ASAP3: variants seen among roughly 807,000 people sequenced by gnomAD.
The protein encoded by ASAP3 is arf-GAP with SH3 domain, ANK repeat and PH domain-containing protein 3.
Under a neutral mutation model 118.2 loss-of-function variants are expected in ASAP3, and 85 were observed. The ratio of observed to expected loss-of-function variants is 0.72; its 90% confidence interval spans 0.60 to 0.86. The LOEUF is 0.86. Among genes scored for constraint, ASAP3 ranks in the 40% least tolerant of loss-of-function variants. The probability of loss-of-function intolerance (pLI) is 0.00; values close to 1 mark genes in which losing one functional copy is unlikely to be tolerated. For missense variants in ASAP3, 1,026 were observed against 1,175.0 expected, an observed-to-expected ratio of 0.87 and a Z score of 1.85; for synonymous variants, 432 against 477.4, an observed-to-expected ratio of 0.90 and a Z score of 1.24.
chr1:23,483,952 T>C, intron 1 of ASAP3, 53 bp downstream of exon 1: 1 of 1,243,990 alleles, frequency 8.0e-7, no homozygotes, highest in South Asian at 3.3e-5. Flanking sequence ...CCTGTGGAGG[T>C]CAAGGCCAGG....
chr1:23,435,089 G>A (rs767182546), intron 17 of ASAP3, among the ~76,000 whole-genome samples: 12 of 152,144 alleles, frequency 7.9e-5, no homozygotes, highest in Non-Finnish European at 1.5e-4. Context: ...GAGCAGTGGC[G>A]CAATCACAGC....
chr1:23,481,464 C>T (rs1161646928), intron 1 of ASAP3, among the ~76,000 whole-genome samples: 1 of 152,146 alleles, frequency 6.6e-6, no homozygotes, highest in Non-Finnish European at 1.5e-5. Context: ...AATGCAAATG[C>T]AAAACCAAAC....
At chr1:23,440,949 G>T (rs898955946) in intron 10 of ASAP3, among the ~76,000 whole-genome samples, 153 bp downstream of exon 10, 1 of 151,914 alleles carries the variant, frequency 6.6e-6, no homozygotes, top group African/African-American at 2.4e-5. Context: ...ACATGCCCAG[G>T]TGTCCTGGAC....
chr1:23,449,537 T>C (rs181482921), intron 5 of ASAP3, among the ~76,000 whole-genome samples: 1 of 152,140 alleles, frequency 6.6e-6, no homozygotes, highest in African/African-American at 2.4e-5. Context: ...TTGGTAGGAA[T>C]GTGGTGAAAT....
At chr1:23,483,773 G>C (rs1170062049) in intron 1 of ASAP3, among the ~76,000 whole-genome samples, 1 of 152,232 alleles carries the variant, frequency 6.6e-6, no homozygotes, top group Non-Finnish European at 1.5e-5. Flanking sequence ...CCGACCTGTG[G>C]AGTTTGTCAT....
Position 23,439,179 on chromosome 1 carries a change from C to G in ASAP3, c.996G>C (p.Leu332=). ...KRKCGVKYGC[L]TISHSTINRP... is the part of the protein sequence containing the mutation. The stretch of plus-strand genomic sequence containing the variant: ...GCCTCACCGTGCTGTGTGAGATGGT[C>G]AGGCAGCCATACTTGACTCCACACT... The change falls in exon 11 of 25, where the codon CTG becomes CTC. Residue 332 remains leucine (L), a synonymous_variant. Coordinates refer to ENST00000336689, the MANE Select transcript of ASAP3 (RefSeq NM_017707.4). 1 of 1,614,122 alleles carries G rather than the reference C, an allele frequency of 6.2e-7. No homozygotes were observed. Among genetic ancestry groups the G allele is most frequent in the Non-Finnish European group, 8.5e-7 (1 of 1,180,014 alleles).
At chr1:23,450,813 T>C (rs1641190551) in intron 5 of ASAP3, among the ~76,000 whole-genome samples, 1 of 152,222 alleles carries the variant, frequency 6.6e-6, no homozygotes. Flanking sequence ...TGGGCCTGGC[T>C]GGGCAGAGGG....
chr1:23,441,087 C>T lies in ASAP3; in HGVS notation c.944+15G>A, dbSNP rs1640855992. The T allele has an allele frequency of 6.2e-7, 1 of 1,610,154 alleles. No homozygotes were observed. Among genetic ancestry groups the T allele is most frequent in the Non-Finnish European group, 8.5e-7 (1 of 1,176,454 alleles). ...TGTGACATTGGGCAAATTATGTAAG[C>T]TCTGAATCACTTACCCGTCACTTTT... On this transcript the variant is annotated intron_variant, in intron 10 of 24. Transcript: ENST00000336689.
At chr1:23,452,660 A>C (rs1570368447) in intron 4 of ASAP3, 37 bp downstream of exon 4, 1 of 1,579,826 alleles carries the variant, frequency 6.3e-7, no homozygotes, top group African/African-American at 1.4e-5. Context: ...CCCCTCTTTT[A>C]CTCTGTCCCA....
At chr1:23,476,619 G>A (rs1428594824) in intron 1 of ASAP3, among the ~76,000 whole-genome samples, 1 of 152,140 alleles carries the variant, frequency 6.6e-6, no homozygotes, top group Non-Finnish European at 1.5e-5. Flanking sequence ...GGATTATGCT[G>A]CTTGCCTGTG....
At position 23,434,301 on chromosome 1, in the gene ASAP3, G is replaced by C. The variant is rs1640552706; in HGVS notation, c.1904C>G (p.Pro635Arg). ...CTTCAGCAGCAGCTTGAGGCAGTCGGGCTGGTTGTAGAGTGCTGCGTAGTG... is the reference window on the plus strand; with the variant it reads ...CTTCAGCAGCAGCTTGAGGCAGTCGCGCTGGTTGTAGAGTGCTGCGTAGTG... ...ALHYAALYNQ[P>R]DCLKLLLKGR... The change falls in exon 19 of 25, where the codon CCC becomes CGC. Residue 635 changes from proline to arginine, a missense_variant. Pro to Arg is a moderately radical substitution (Grantham distance 103, BLOSUM62 -2). Transcript: ENST00000336689. 6.2e-7 allele frequency: 1 copy of C among 1,614,082 alleles called. No individual in the cohort carries two copies. Among genetic ancestry groups the C allele is most frequent in the African/African-American group, 1.3e-5 (1 of 74,946 alleles).
At position 23,435,871 on chromosome 1, in the gene ASAP3, G is replaced by A. The variant is rs1640631158; in HGVS notation, c.1729C>T (p.Leu577=). Residue 577 remains leucine (L), a synonymous_variant, in exon 17 of 25, where the codon CTG becomes TTG. Coordinates refer to ENST00000336689, the MANE Select transcript of ASAP3 (RefSeq NM_017707.4). ...CTCACCTGTGCATCAGGCCCTGGCAGCGGCTGTCCAAAGTCCTGCCCATTG... is the reference window on the plus strand; with the variant it reads ...CTCACCTGTGCATCAGGCCCTGGCAACGGCTGTCCAAAGTCCTGCCCATTG... ...FANGQDFGQP[L]PGPDAQAPEE... is the part of the protein sequence containing the mutation. The A allele has an allele frequency of 1.9e-6, 3 of 1,614,270 alleles. No individual in the cohort carries two copies. The highest frequency in any genetic ancestry group is 2.5e-6 in the Non-Finnish European group (3 of 1,180,054).
intron 24 of ASAP3, 131 bp from the exon 25 acceptor site, chr1:23,430,061 A>C: frequency 1.2e-6 from 1 of 820,112 alleles, no homozygotes. Context: ...AAAGAAACTG[A>C]GGCTTGAGGA....
At chr1:23,477,145 T>G (rs138710598) in intron 1 of ASAP3, among the ~76,000 whole-genome samples, 1,692 of 150,198 alleles carry the variant, frequency 0.011, 37 homozygotes, top group African/African-American at 0.039. Context: ...GCCTCCCAAG[T>G]AGCTGGGATT....
Position 23,436,903 on chromosome 1 carries a change from G to A in ASAP3, c.1476+8C>T, listed in dbSNP as rs773547052. The A allele has an allele frequency of 1.2e-6, 2 of 1,601,514 alleles. No individual in the cohort carries two copies. Among genetic ancestry groups the A allele is most frequent in the Middle Eastern group, 1.9e-4 (1 of 5,278 alleles). ...TCTGGCCCCTTCCAGGCCCCGCCCC[G>A]CCCTCACCAACAACTCGGAGGGGCC... On this transcript the variant is annotated splice_region_variant and intron_variant, in intron 15 of 24. Transcript: ENST00000336689. This position sits in a 1 kb window ranked among gnomAD's most constrained non-coding sequence, Gnocchi z 4.2.
At position 23,430,995 on chromosome 1, in the gene ASAP3, C is replaced by A. The variant is rs200859825; in HGVS notation, c.2637+40G>T. ...TTGACTAACTCTGCCTCCCAGGCAC[C>A]CTGCCACCGCCCCTCAAACCATGGT... On this transcript the variant is annotated intron_variant, in intron 24 of 24. Coordinates refer to ENST00000336689, the MANE Select transcript of ASAP3 (RefSeq NM_017707.4). The A allele has an allele frequency of 4.1e-4, 606 of 1,491,694 alleles. 1 individual carries two copies. The African/African-American group carries it at 7.7e-3, about 19-fold the overall frequency. The allele number at this position is 1,491,694 out of a possible 1,614,324, so 92.4% of individuals were successfully genotyped here.
intron 1 of ASAP3, among the ~76,000 whole-genome samples, chr1:23,475,186 TAC>T (rs1351830002): frequency 6.6e-6 from 1 of 152,184 alleles, no homozygotes; most frequent in Non-Finnish European, 1.5e-5. Context: ...AAGCCCTCAC[TAC>T]AGACTTTGAA....
intron 9 of ASAP3, 33 bp downstream of exon 9, chr1:23,441,354 G>T (rs773288019): frequency 1.9e-6 from 3 of 1,612,410 alleles, no homozygotes; most frequent in Admixed American, 1.7e-5. Context: ...CCTTGGGGGA[G>T]GGCATTCCTT....
chr1:23,439,093 AT>A, intron 11 of ASAP3, 67 bp downstream of exon 11: 2 of 1,573,006 alleles, frequency 1.3e-6, no homozygotes, highest in Admixed American at 1.7e-5. Flanking sequence ...GCTTGACATT[AT>A]TTGCTCAGAA....
Sources: gnomAD v4.1 joint callset for allele counts (sites outside exome capture counted in the v4.1 genomes callset) on GRCh38, gnomAD v4.1.1 for gene constraint, Gnocchi (gnomAD v3.1) non-coding constraint, MANE v1.5 for transcripts, NCBI Gene and HGNC (gene_info 2026-07-23, HGNC 2026-07-21) for gene names.